GNAS: variants seen among roughly 807,000 people sequenced by gnomAD.
GNAS encodes GNAS complex locus.
GNAS carries 8 observed loss-of-function variants against 54.5 expected under a neutral mutation model. The ratio of observed to expected loss-of-function variants is 0.15; its 90% confidence interval spans 0.09 to 0.26. The LOEUF (loss-of-function observed/expected upper bound fraction) is 0.26. Ranked by LOEUF, GNAS falls within the 10% of genes least tolerant of loss-of-function variation. The pLI is 1.00. For missense variants in GNAS, 170 were observed against 529.8 expected (o/e 0.32, Z 6.67); for synonymous variants, 204 against 191.4 (o/e 1.07, Z -0.54).
intron 1 of GNAS, chr20:58,842,015 C>G: frequency 1.2e-6 from 1 of 817,654 alleles, no homozygotes. Flanking sequence ...GACGATCAGT[C>G]GTCGAAAAGG....
At chr20:58,892,044 C>T (rs1426040946) in intron 1 of GNAS, 179 bp downstream of exon 1, 56 of 855,594 alleles carry the variant, frequency 6.5e-5, no homozygotes, top group Non-Finnish European at 7.9e-5. Flanking sequence ...CGGATTCGGC[C>T]GGGCGGGGGC....
intron 1 of GNAS, among the ~76,000 whole-genome samples, chr20:58,859,678 G>A (rs2145615178): frequency 1.3e-5 from 2 of 150,960 alleles, no homozygotes; most frequent in East Asian, 3.9e-4. Context: ...CCAGGCTGGA[G>A]TGCGATGGTG....
chr20:58,868,836 A>G (rs1010846700), intron 1 of GNAS, among the ~76,000 whole-genome samples: 11 of 152,140 alleles, frequency 7.2e-5, no homozygotes, highest in Non-Finnish European at 1.5e-4. Flanking sequence ...CAAATTATTC[A>G]GGGCTGGGAA....
upstream of GNAS, chr20:58,840,314 C>T (rs1376237006): frequency 1.2e-6 from 2 of 1,612,884 alleles, no homozygotes; most frequent in Non-Finnish European, 1.7e-6. This position sits in a 1 kb window ranked among gnomAD's most constrained non-coding sequence, Gnocchi z 6.0. Context: ...CGCCCACCAC[C>T]GCTCCGGCGC....
intron 1 of GNAS, chr20:58,855,045 C>T: frequency 6.2e-7 from 1 of 1,613,014 alleles, no homozygotes; most frequent in Non-Finnish European, 8.5e-7. Context: ...CTGGTTTCAG[C>T]ATCGGCGAAA....
chr20:58,840,829 C>T, upstream of GNAS: 1 of 1,612,924 alleles, frequency 6.2e-7, no homozygotes, highest in Non-Finnish European at 8.5e-7. This position sits in a 1 kb window ranked among gnomAD's most constrained non-coding sequence, Gnocchi z 6.0. Flanking sequence ...GACCCATCCC[C>T]ATCCGGCGTC....
chr20:58,903,620 G>A (rs547864645), intron 4 of GNAS, 35 bp downstream of exon 4: 32 of 1,613,986 alleles, frequency 2.0e-5, no homozygotes, highest in Non-Finnish European at 2.6e-5. Context: ...CTGTCTTGTA[G>A]CGCCCTCCCA....
intron 6 of GNAS, among the ~76,000 whole-genome samples, chr20:58,907,865 C>T (rs572839579): frequency 6.6e-6 from 1 of 152,190 alleles, no homozygotes; most frequent in African/African-American, 2.4e-5. Flanking sequence ...GGTAGTGTGC[C>T]CATTTCTTAA....
Position 58,841,799 on chromosome 20 carries a change from A to C in GNAS, c.43+913A>C. 5.7e-6 allele frequency: 7 copies of C among 1,230,800 alleles called. No individual in the cohort carries two copies. The highest frequency in any genetic ancestry group is 7.1e-6 in the Non-Finnish European group (7 of 987,892). 76.2% of individuals were successfully genotyped at this position (1,230,800 alleles called of 1,614,324 possible). A position where few individuals can be genotyped will look rare whatever the true frequency, so the allele number is the denominator to read the frequency against. On this transcript the variant is annotated intron_variant, in intron 1 of 12. Transcript: ENST00000306090. This position sits in a 1 kb window ranked among gnomAD's most constrained non-coding sequence, Gnocchi z 5.0. Reference sequence around the variant, plus strand: ...GCAGCTGGTCGGGTGGCCAGGCTGCATGCGGCTTAGCAGGAGACGTCCTGG... The same window carrying C: ...GCAGCTGGTCGGGTGGCCAGGCTGCCTGCGGCTTAGCAGGAGACGTCCTGG...
intron 5 of GNAS, 77 bp from the exon 6 acceptor site, chr20:58,905,306 C>A: frequency 1.2e-6 from 1 of 866,616 alleles, no homozygotes; most frequent in South Asian, 1.3e-5. Context: ...GAACTCTGGT[C>A]TCAGGGTTTG....
At chr20:58,839,990 G>C (rs544068079), upstream of GNAS, 14 of 1,146,764 alleles carry the variant, frequency 1.2e-5, no homozygotes, top group Non-Finnish European at 1.8e-5. Context: ...TGGGACCTCC[G>C]GGCCAGCTTC....
intron 3 of GNAS, chr20:58,903,085 T>C (rs2090775026): frequency 3.0e-6 from 1 of 334,888 alleles, no homozygotes; most frequent in African/African-American, 2.1e-5. Flanking sequence ...ACTGGTTCTC[T>C]CAGTATGCTA....
At chr20:58,889,926 GAGA>G (rs1054818224), upstream of GNAS, among the ~76,000 whole-genome samples, 14 of 151,732 alleles carry the variant, frequency 9.2e-5, no homozygotes, top group Admixed American at 2.0e-4. Context: ...GGCGGAGAGC[GAGA>G]AGAAGACGGC....
chr20:58,855,164 T>C (rs1321390711), intron 1 of GNAS: 2 of 1,611,696 alleles, frequency 1.2e-6, no homozygotes, highest in Non-Finnish European at 8.5e-7. Context: ...CCTCGCGCTC[T>C]CTCAAGGTCA....
chr20:58,899,341 A>G (rs2090377075), intron 3 of GNAS: 1 of 506,930 alleles, frequency 2.0e-6, no homozygotes, highest in Non-Finnish European at 3.7e-6. Flanking sequence ...AAAACTATCT[A>G]CTAAATTCCA....
chr20:58,898,532 C>T (rs79779770), intron 2 of GNAS: 1 of 209,870 alleles, frequency 4.8e-6, no homozygotes, highest in Non-Finnish European at 9.7e-6. Flanking sequence ...CCTTAAGTTA[C>T]AACCTTGGGA....
chr20:58,889,377 TC>T, upstream of GNAS: 1 of 983,342 alleles, frequency 1.0e-6, no homozygotes, highest in Non-Finnish European at 1.2e-6. Flanking sequence ...CGCCGGGGCC[TC>T]CCGCGGAAGT....
At chr20:58,840,030 C>A (rs2085658079), upstream of GNAS, 1 of 1,542,336 alleles carries the variant, frequency 6.5e-7, no homozygotes, top group Non-Finnish European at 8.9e-7. The surrounding 1 kb of genome is among the most constrained non-coding windows in gnomAD (Gnocchi z 6.0). Flanking sequence ...TTTCCCGGCT[C>A]CAGCAGCCAA....
Position 58,857,827 on chromosome 20 carries a change from ATTAACT to A in GNAS, c.43+16946_43+16951del, listed in dbSNP as rs980753040. Among the ~76,000 whole-genome samples the A allele has an allele frequency of 2.6e-5, 4 of 152,304 alleles. No homozygotes were observed. Among genetic ancestry groups the A allele is most frequent in the Admixed American group, 1.3e-4 (2 of 15,294 alleles). On this transcript the variant is annotated intron_variant, in intron 1 of 12. Coordinates refer to the GNAS transcript ENST00000306090. This position sits in a 1 kb window ranked among gnomAD's most constrained non-coding sequence, Gnocchi z 4.1. The stretch of plus-strand genomic sequence containing the variant: ...CCTTATTTTGTCACCAGGAGTAAAA[ATTAACT>A]TTAAGAAAAGGAAATTTGCTGGGGT...
Sources: allele counts gnomAD v4.1 joint callset (sites outside exome capture counted in the v4.1 genomes callset), GRCh38; gene constraint gnomAD v4.1.1; non-coding constraint Gnocchi (gnomAD v3.1); transcripts MANE v1.5; gene names NCBI Gene and HGNC (gene_info 2026-07-23, HGNC 2026-07-21).